RERE: variants seen among roughly 807,000 people sequenced by gnomAD.
The protein encoded by RERE is arginine-glutamic acid dipeptide repeats.
Under a neutral mutation model 146.1 loss-of-function variants are expected in RERE, and 40 were observed. That is an observed-to-expected ratio of 0.27 (90% CI 0.21 to 0.36). The LOEUF is 0.36. Ranked by LOEUF, RERE falls within the 10% of genes least tolerant of loss-of-function variation. The pLI is 1.00. For missense variants in RERE, 1,933 were observed against 2,138.7 expected (o/e 0.90, Z 1.90); for synonymous variants, 1,003 against 866.0 (o/e 1.16, Z -2.78).
At chr1:8,560,497 A>C (rs759894908) in intron 4 of RERE, among the ~76,000 whole-genome samples, 1 of 152,186 alleles carries the variant, frequency 6.6e-6, no homozygotes, top group Non-Finnish European at 1.5e-5. Context: ...TACTGGAAAG[A>C]AGATGGGAAG....
chr1:8,491,505 G>C (rs1644979626), intron 10 of RERE, among the ~76,000 whole-genome samples: 1 of 151,718 alleles, frequency 6.6e-6, no homozygotes, highest in South Asian at 2.1e-4. Context: ...TATGGTACCA[G>C]CTACTCTGGA....
At chr1:8,581,300 C>T (rs1646362108) in intron 4 of RERE, among the ~76,000 whole-genome samples, 1 of 152,086 alleles carries the variant, frequency 6.6e-6, no homozygotes, top group African/African-American at 2.4e-5. Flanking sequence ...AAGACTCTGT[C>T]AATTTTAAAA....
chr1:8,768,069 G>T (rs1239622591), intron 1 of RERE, among the ~76,000 whole-genome samples: 1 of 152,196 alleles, frequency 6.6e-6, no homozygotes, highest in Non-Finnish European at 1.5e-5. Flanking sequence ...ACTTGAAATA[G>T]TCACAGGCCA....
intron 4 of RERE, among the ~76,000 whole-genome samples, chr1:8,601,672 AT>A (rs1412728242): frequency 9.8e-5 from 13 of 132,306 alleles, no homozygotes; most frequent in African/African-American, 2.1e-4. Context: ...ACACACACAC[AT>A]CTTCCTTCCA....
At chr1:8,472,112 A>G (rs991862968) in intron 10 of RERE, among the ~76,000 whole-genome samples, 2 of 152,226 alleles carry the variant, frequency 1.3e-5, no homozygotes, top group Non-Finnish European at 2.9e-5. Context: ...GCACCCAGCC[A>G]AAGTTTTTCT....
intron 6 of RERE, among the ~76,000 whole-genome samples, chr1:8,551,409 T>C (rs1214660982): frequency 6.6e-6 from 1 of 152,234 alleles, no homozygotes; most frequent in Non-Finnish European, 1.5e-5. Flanking sequence ...CAAGTTTATC[T>C]GCTCGTTCTT....
intron 4 of RERE, among the ~76,000 whole-genome samples, chr1:8,576,268 G>T (rs1646293526): frequency 1.3e-5 from 2 of 151,980 alleles, no homozygotes; most frequent in Admixed American, 6.6e-5. Flanking sequence ...TATAGGCATG[G>T]GGTGGGTTAG....
At chr1:8,388,269 C>T (rs1407938257) in intron 12 of RERE, among the ~76,000 whole-genome samples, 3 of 151,268 alleles carry the variant, frequency 2.0e-5, no homozygotes, top group East Asian at 1.9e-4. Context: ...GTTATCTTTG[C>T]GTGGAAAGGA....
intron 6 of RERE, among the ~76,000 whole-genome samples, chr1:8,554,288 CA>C (rs1267863737): frequency 6.6e-6 from 1 of 152,190 alleles, no homozygotes; most frequent in Non-Finnish European, 1.5e-5. Flanking sequence ...ACATATCTCA[CA>C]TATTTGTTCA....
At chr1:8,366,916 C>CCAAAAAAAAAAAA (rs1641823097) in intron 12 of RERE, among the ~76,000 whole-genome samples, 1 of 107,684 alleles carries the variant, frequency 9.3e-6, no homozygotes, top group Non-Finnish European at 1.8e-5. Flanking sequence ...AAAAAAAAAA[C>CCAAAAAAAAAAAA]AAAAAAAAAA....
intron 6 of RERE, among the ~76,000 whole-genome samples, chr1:8,549,091 A>ACAT (rs1645902098): frequency 6.6e-6 from 1 of 152,232 alleles, no homozygotes; most frequent in Non-Finnish European, 1.5e-5. Flanking sequence ...GTATACATAC[A>ACAT]CATCCTAGCT....
chr1:8,805,123 G>A (rs1419600441), intron 1 of RERE, among the ~76,000 whole-genome samples: 5 of 149,754 alleles, frequency 3.3e-5, no homozygotes, highest in African/African-American at 4.9e-5. Flanking sequence ...CGATTGTCCC[G>A]GATCCCGAGT....
At chr1:8,500,267 G>A (rs922621294) in intron 8 of RERE, among the ~76,000 whole-genome samples, 4 of 152,158 alleles carry the variant, frequency 2.6e-5, no homozygotes, top group Non-Finnish European at 4.4e-5. Flanking sequence ...GTTATTAATC[G>A]AAAAGTACTA....
rs898782592 is a variant in RERE, at chr1:8,423,035, G to A, written c.1204-228C>T. The stretch of plus-strand genomic sequence containing the variant: ...AATCCCACCCACCACGCAGGGCAGC[G>A]CGTTTAAGAGAAGGACGTCCTGCGT... On this transcript the variant is annotated intron_variant, in intron 11 of 22. Transcript: ENST00000400908. This position sits in a 1 kb window ranked among gnomAD's most constrained non-coding sequence, Gnocchi z 5.4. 2.0e-5 allele frequency: 10 copies of A among 507,302 alleles called. 1 individual carries two copies. Among genetic ancestry groups the A allele is most frequent in the Admixed American group, 1.3e-4 (4 of 30,806 alleles). The allele number at this position is 507,302 out of a possible 1,614,324, so 31.4% of individuals were successfully genotyped here. A position where few individuals can be genotyped will look rare whatever the true frequency, so the allele number is the denominator to read the frequency against.
chr1:8,581,154 G>A (rs1406701516), intron 4 of RERE, among the ~76,000 whole-genome samples: 1 of 152,128 alleles, frequency 6.6e-6, no homozygotes, highest in Non-Finnish European at 1.5e-5. Flanking sequence ...AACATTCAGG[G>A]TTATCCATCT....
Position 8,363,879 on chromosome 1 carries a change from G to A in RERE, c.1740+177C>T, listed in dbSNP as rs188150170. 5.3e-3 allele frequency: 3,320 copies of A among 629,440 alleles called. 51 individuals are homozygous for A. Among genetic ancestry groups the A allele is most frequent in the Admixed American group, 3.0e-3 (104 of 34,882 alleles). The allele number at this position is 629,440 out of a possible 1,614,324, so 39.0% of individuals were successfully genotyped here. ...CCACCCTGGGGCCCCTCGAAGGAGA[G>A]AACAGAGAACTCTTCCCAGCCCACA... On this transcript the variant is annotated intron_variant, in intron 15 of 22. Coordinates refer to ENST00000400908, the MANE Select transcript of RERE (RefSeq NM_001042681.2).
intron 1 of RERE, among the ~76,000 whole-genome samples, chr1:8,771,649 G>A (rs562557945): frequency 7.9e-5 from 12 of 151,900 alleles, no homozygotes; most frequent in Non-Finnish European, 1.8e-4. Flanking sequence ...GGTGGCTCAC[G>A]CCTGTAATCC....
At chr1:8,570,261 G>C (rs774245303) in intron 4 of RERE, among the ~76,000 whole-genome samples, 1 of 151,966 alleles carries the variant, frequency 6.6e-6, no homozygotes, top group Non-Finnish European at 1.5e-5. Context: ...TGCTTGAACC[G>C]GGGAAGTGGA....
rs56059603 is a variant in RERE at position 8,817,461 on chromosome 1, A to ATTT, written c.-449_-447dup. ...AGGGGGCTCCCTGAGGATGATGGTG[A>ATTT]TTTTTTTTTTTTTTTAATCCTCAAC... On this transcript the variant is annotated 5_prime_UTR_variant, in exon 1 of 23. Transcript: ENST00000400908. The ATTT allele has an allele frequency of 3.2e-3, 458 of 142,468 alleles. 2 individuals are homozygous for ATTT. The highest frequency in any genetic ancestry group is 8.9e-3 in the African/African-American group (343 of 38,344). 8.8% of individuals were successfully genotyped at this position (142,468 alleles called of 1,614,324 possible). A position where few individuals can be genotyped will look rare whatever the true frequency, so the allele number is the denominator to read the frequency against.
Sources: allele counts gnomAD v4.1 joint callset (sites outside exome capture counted in the v4.1 genomes callset), GRCh38; gene constraint gnomAD v4.1.1; non-coding constraint Gnocchi (gnomAD v3.1); transcripts MANE v1.5; gene names NCBI Gene and HGNC (gene_info 2026-07-23, HGNC 2026-07-21).